The following DCTN6 variants were observed in gnomAD, a reference collection of about 807,000 sequenced individuals.
DCTN6 encodes dynactin 6.
Under a neutral mutation model 25.8 loss-of-function variants are expected in DCTN6, and 15 were observed. The observed-to-expected ratio is 0.58, with a 90% CI of 0.39 to 0.89. DCTN6 has a LOEUF of 0.89. Ranked by LOEUF, DCTN6 falls within the 40% of genes least tolerant of loss-of-function variation. The probability of loss-of-function intolerance (pLI) is 0.00; values close to 1 mark genes in which losing one functional copy is unlikely to be tolerated. For synonymous variants in DCTN6, 64 were observed against 78.3 expected (o/e 0.82, Z 0.96); for missense variants, 198 against 237.6 (o/e 0.83, Z 1.09).
At chr8:30,176,846 G>A (rs1156547095) in intron 3 of DCTN6, 3 of 280,100 alleles carry the variant, frequency 1.1e-5, no homozygotes, top group East Asian at 1.8e-4. Flanking sequence ...CTAGTGGCAC[G>A]TGCCTGTAGT....
At chr8:30,172,072 G>A (rs1803770975) in intron 2 of DCTN6, among the ~76,000 whole-genome samples, 1 of 152,062 alleles carries the variant, frequency 6.6e-6, no homozygotes, top group Admixed American at 6.6e-5. Context: ...TATAAACCTG[G>A]TATGGTGCAA....
At chr8:30,166,547 A>G (rs1187136773) in intron 2 of DCTN6, among the ~76,000 whole-genome samples, 1 of 151,960 alleles carries the variant, frequency 6.6e-6, no homozygotes, top group Non-Finnish European at 1.5e-5. Flanking sequence ...CACAGGCATT[A>G]TGTGGTGGGG....
At chr8:30,179,516 TG>T (rs1803886183) in intron 5 of DCTN6, 61 bp downstream of exon 5, 11 of 1,448,848 alleles carry the variant, frequency 7.6e-6, no homozygotes, top group Non-Finnish European at 9.5e-6. Context: ...TGTGGTGTCC[TG>T]GGAAACAACC....
chr8:30,168,997 C>T (rs888861943), intron 2 of DCTN6, among the ~76,000 whole-genome samples: 3 of 152,196 alleles, frequency 2.0e-5, no homozygotes, highest in Non-Finnish European at 4.4e-5. Context: ...CTTGAAGCAC[C>T]GTCCCGTGGT....
intron 5 of DCTN6, 44 bp downstream of exon 5, chr8:30,179,499 T>A: frequency 6.4e-7 from 1 of 1,556,762 alleles, no homozygotes; most frequent in Non-Finnish European, 8.8e-7. Flanking sequence ...GTGACCTCTT[T>A]TCTCTTTGTG....
intron 2 of DCTN6, among the ~76,000 whole-genome samples, chr8:30,171,959 A>G (rs1239775946): frequency 6.6e-6 from 1 of 152,180 alleles, no homozygotes; most frequent in Non-Finnish European, 1.5e-5. Context: ...TCCGGTGTCT[A>G]GACTCTCTAG....
In DCTN6 at chr8:30,178,230, G is replaced by A. The variant is rs562970201; in HGVS notation, c.283+1016G>A. 2.7e-4 allele frequency among the ~76,000 whole-genome samples: 41 copies of A among 152,152 alleles called. No homozygotes were observed. In the South Asian group the frequency reaches 8.3e-3, roughly 31 times the overall value. On this transcript the variant is annotated intron_variant, in intron 4 of 6. Transcript: ENST00000221114. ...CGTAATCCCAGCATTTTGGGAGGCCGAGGCGGGCAGATCACCTGAGGTTGG... is the reference window on the plus strand; with the variant it reads ...CGTAATCCCAGCATTTTGGGAGGCCAAGGCGGGCAGATCACCTGAGGTTGG...
At chr8:30,172,452 A>T (rs1803776090) in intron 2 of DCTN6, among the ~76,000 whole-genome samples, 2 of 97,314 alleles carry the variant, frequency 2.1e-5, no homozygotes, top group African/African-American at 2.9e-5. Flanking sequence ...TGATATTTAC[A>T]AATTTTTTTT....
chr8:30,157,272 T>A (rs528651084), intron 1 of DCTN6, among the ~76,000 whole-genome samples: 31 of 152,344 alleles, frequency 2.0e-4, no homozygotes, highest in African/African-American at 6.7e-4. Flanking sequence ...ATGTTTCCTT[T>A]CTTTTTGATG....
At chr8:30,156,518 C>T (rs2117568675) in intron 1 of DCTN6, 112 bp downstream of exon 1, 1 of 1,307,216 alleles carries the variant, frequency 7.6e-7, no homozygotes, top group Non-Finnish European at 1.1e-6. Context: ...GCATTCGGGC[C>T]GAAGGTACCT....
chr8:30,157,503 T>C (rs1040417305), intron 1 of DCTN6, among the ~76,000 whole-genome samples: 3 of 152,370 alleles, frequency 2.0e-5, no homozygotes, highest in African/African-American at 7.2e-5. Context: ...CTGGGTCCAA[T>C]GGTACTTGTG....
chr8:30,174,641 C>G (rs566692385), intron 2 of DCTN6, among the ~76,000 whole-genome samples: 8 of 152,168 alleles, frequency 5.3e-5, no homozygotes, highest in Non-Finnish European at 1.2e-4. Flanking sequence ...CGGAGGTACA[C>G]TCGCATAAGA....
At chr8:30,171,405 A>G (rs1263852142) in intron 2 of DCTN6, among the ~76,000 whole-genome samples, 1 of 151,900 alleles carries the variant, frequency 6.6e-6, no homozygotes, top group Non-Finnish European at 1.5e-5. Flanking sequence ...GCACCCCACC[A>G]TAACTGGCCA....
At chr8:30,158,360 T>C (rs1259314489) in intron 1 of DCTN6, among the ~76,000 whole-genome samples, 1 of 152,022 alleles carries the variant, frequency 6.6e-6, no homozygotes, top group Non-Finnish European at 1.5e-5. Flanking sequence ...AAATTGCATA[T>C]TTTAACAAAA....
intron 5 of DCTN6, among the ~76,000 whole-genome samples, 195 bp downstream of exon 5, chr8:30,179,650 A>G (rs982623988): frequency 1.1e-4 from 16 of 152,220 alleles, no homozygotes; most frequent in African/African-American, 3.9e-4. Context: ...AATACATTAA[A>G]TTTAAAATCA....
At chr8:30,157,058 T>C (rs1803536242) in intron 1 of DCTN6, among the ~76,000 whole-genome samples, 1 of 152,216 alleles carries the variant, frequency 6.6e-6, no homozygotes, top group African/African-American at 2.4e-5. Flanking sequence ...GTGAACATTG[T>C]ATCAGATGGG....
Position 30,180,476 on chromosome 8 carries a change from T to G in DCTN6, c.332-12T>G. ...GTCTTAAGTTGCAGTTCTTTCTGTG[T>G]TTTTATTGCAGCATATGTAGGCAGA... On this transcript the variant is annotated splice_polypyrimidine_tract_variant and intron_variant, in intron 5 of 6. Coordinates refer to ENST00000221114, the MANE Select transcript of DCTN6 (RefSeq NM_006571.4). 6.2e-7 allele frequency: 1 copy of G among 1,606,670 alleles called. No individual in the cohort carries two copies. The highest frequency in any genetic ancestry group is 8.5e-7 in the Non-Finnish European group (1 of 1,175,510).
Position 30,180,535 on chromosome 8 carries a change from G to T in DCTN6, c.379G>T (p.Ala127Ser), listed in dbSNP as rs757670109. ...VILTSGCIIGACCNLNTFEVI... is the reference protein window; with the variant it reads ...VILTSGCIIGSCCNLNTFEVI... ...ATTGACAAGTGGCTGCATCATTGGG[G>T]CTTGTTGCAACCTAAATACATTTGA... Residue 127 changes from alanine to serine, a missense_variant, in exon 6 of 7, where the codon GCT becomes TCT. Physicochemically the swap from Ala to Ser is moderately conservative, Grantham distance 99 (BLOSUM62 1). Transcript: ENST00000221114. The T allele has an allele frequency of 6.2e-7, 1 of 1,613,924 alleles. No homozygotes were observed. Among genetic ancestry groups the T allele is most frequent in the Non-Finnish European group, 8.5e-7 (1 of 1,179,926 alleles).
chr8:30,158,656 A>G (rs529738968), intron 1 of DCTN6, among the ~76,000 whole-genome samples: 12 of 148,582 alleles, frequency 8.1e-5, no homozygotes, highest in Middle Eastern at 3.5e-3. Flanking sequence ...TTCTTCTTCA[A>G]TACAGCAGGA....
Sources: gnomAD v4.1 joint callset for allele counts (sites outside exome capture counted in the v4.1 genomes callset) on GRCh38, gnomAD v4.1.1 for gene constraint, MANE v1.5 for transcripts, NCBI Gene and HGNC (gene_info 2026-07-23, HGNC 2026-07-21) for gene names.